Variants in PIBF1 observed in about 807,000 individuals in gnomAD.
PIBF1 encodes progesterone immunomodulatory binding factor 1, also known as progesterone-induced-blocking factor 1.
A neutral mutation model predicts 112.5 loss-of-function variants in PIBF1; 90 were observed. The observed-to-expected ratio is 0.80, with a 90% CI of 0.67 to 0.95. The LOEUF (loss-of-function observed/expected upper bound fraction) is 0.95, where lower values mean the gene tolerates loss of function less well. PIBF1 is among the 40% of genes least tolerant of loss of function. The pLI is 0.00. For synonymous variants in PIBF1, 301 were observed against 288.6 expected (o/e 1.04, Z -0.44); for missense variants, 915 against 852.3 (o/e 1.07, Z -0.92).
chr13:72,967,202 A>G (rs937952682), intron 15 of PIBF1, among the ~76,000 whole-genome samples: 13 of 152,238 alleles, frequency 8.5e-5, no homozygotes, highest in African/African-American at 3.1e-4. Context: ...CCGAAGTGCT[A>G]GGATTAAAGG....
chr13:72,850,184 C>T (rs1415515277), intron 9 of PIBF1, among the ~76,000 whole-genome samples: 1 of 152,174 alleles, frequency 6.6e-6, no homozygotes, highest in Non-Finnish European at 1.5e-5. Flanking sequence ...AAATGTTACC[C>T]ACAAACACCT....
At chr13:72,920,351 C>T (rs1042258889) in intron 13 of PIBF1, among the ~76,000 whole-genome samples, 4 of 152,080 alleles carry the variant, frequency 2.6e-5, no homozygotes, top group Admixed American at 6.6e-5. Flanking sequence ...AGCTGAATGA[C>T]GGGAAAGTAA....
At chr13:72,834,262 G>C (rs576815699) in intron 8 of PIBF1, among the ~76,000 whole-genome samples, 26 of 152,198 alleles carry the variant, frequency 1.7e-4, no homozygotes, top group African/African-American at 6.0e-4. Context: ...TTCTTCTACT[G>C]GATGTGTAGA....
At chr13:72,985,534 A>C (rs1253801316) in intron 16 of PIBF1, among the ~76,000 whole-genome samples, 1 of 151,512 alleles carries the variant, frequency 6.6e-6, no homozygotes, top group East Asian at 2.0e-4. Context: ...ACAGGGTGAG[A>C]CTCCGTCTCA....
chr13:72,979,613 G>T (rs923566313), intron 16 of PIBF1, among the ~76,000 whole-genome samples: 1 of 152,064 alleles, frequency 6.6e-6, no homozygotes, highest in Non-Finnish European at 1.5e-5. Flanking sequence ...AAAATGGACC[G>T]ATTTGAAAGC....
chr13:72,786,847 A>G (rs966485348), intron 2 of PIBF1, among the ~76,000 whole-genome samples: 4 of 152,222 alleles, frequency 2.6e-5, no homozygotes, highest in Admixed American at 6.5e-5. Flanking sequence ...GCTCTCAAAT[A>G]TATGAAGAAA....
chr13:72,902,293 C>T (rs570670574), intron 11 of PIBF1, among the ~76,000 whole-genome samples: 6 of 148,362 alleles, frequency 4.0e-5, no homozygotes, highest in Admixed American at 2.0e-4. Flanking sequence ...TATACTGCCC[C>T]GGTTGATGGG....
intron 14 of PIBF1, among the ~76,000 whole-genome samples, chr13:72,948,527 G>C (rs1402114545): frequency 2.6e-5 from 4 of 152,118 alleles, no homozygotes; most frequent in African/African-American, 9.7e-5. Context: ...CCTCCAAATT[G>C]TTCTAATCTC....
At chr13:72,873,324 G>A (rs2039243559) in intron 10 of PIBF1, among the ~76,000 whole-genome samples, 1 of 152,060 alleles carries the variant, frequency 6.6e-6, no homozygotes, top group South Asian at 2.1e-4. Context: ...AGAAAAAAAG[G>A]GAAAACCTTA....
intron 14 of PIBF1, among the ~76,000 whole-genome samples, chr13:72,952,997 A>T (rs1363578036): frequency 6.6e-6 from 1 of 152,124 alleles, no homozygotes; most frequent in Non-Finnish European, 1.5e-5. Flanking sequence ...AAGCAGGTGG[A>T]TAAATGCCAT....
At chr13:72,917,053 T>A in intron 12 of PIBF1, 23 bp from the exon 13 acceptor site, 1 of 1,422,812 alleles carries the variant, frequency 7.0e-7, no homozygotes, top group African/African-American at 1.4e-5. Context: ...TTATTTCACA[T>A]TATACACTTT....
chr13:72,879,344 A>T (rs1290263281), intron 10 of PIBF1, among the ~76,000 whole-genome samples: 1 of 152,144 alleles, frequency 6.6e-6, no homozygotes, highest in Non-Finnish European at 1.5e-5. Flanking sequence ...AGTCAAGGAG[A>T]TCTACAATCC....
chr13:72,868,941 G>A (rs1378901295), intron 10 of PIBF1, among the ~76,000 whole-genome samples: 1 of 151,652 alleles, frequency 6.6e-6, no homozygotes, highest in Non-Finnish European at 1.5e-5. Flanking sequence ...AGTTAGAATG[G>A]CAATCATTAA....
chr13:72,873,529 A>C (rs2039253240), intron 10 of PIBF1, among the ~76,000 whole-genome samples: 1 of 151,908 alleles, frequency 6.6e-6, no homozygotes. Context: ...CAGCCTCCCA[A>C]GTAGCTGGGA....
intron 9 of PIBF1, among the ~76,000 whole-genome samples, chr13:72,852,457 A>G (rs2038208985): frequency 6.6e-6 from 1 of 152,072 alleles, no homozygotes; most frequent in Admixed American, 6.6e-5. Flanking sequence ...CCTTGCTCAC[A>G]CACCCCTTGC....
At chr13:72,925,542 C>CTTTTTTTT (rs59074858) in intron 13 of PIBF1, among the ~76,000 whole-genome samples, 46 of 102,024 alleles carry the variant, frequency 4.5e-4, no homozygotes, top group African/African-American at 5.3e-4. Flanking sequence ...CTTTCTCTCT[C>CTTTTTTTT]TTTTTTTTTT....
At chr13:72,858,091 G>A (rs935147948) in intron 10 of PIBF1, among the ~76,000 whole-genome samples, 5 of 150,350 alleles carry the variant, frequency 3.3e-5, no homozygotes, top group Middle Eastern at 3.4e-3. Context: ...TCACTCTGTT[G>A]CCCAGTCTGG....
chr13:72,944,457 A>AAG (rs1555321055), intron 14 of PIBF1, among the ~76,000 whole-genome samples: 2 of 151,642 alleles, frequency 1.3e-5, no homozygotes, highest in African/African-American at 4.8e-5. Context: ...AAAAAAAAAA[A>AAG]AAGAAGAAAA....
chr13:72,992,848 G>C (rs1380396984), intron 16 of PIBF1, among the ~76,000 whole-genome samples: 2 of 151,848 alleles, frequency 1.3e-5, no homozygotes, highest in Non-Finnish European at 2.9e-5. Flanking sequence ...AAACATGTGA[G>C]CTGGTCCTTT....
Sources: gnomAD v4.1 joint callset for allele counts (sites outside exome capture counted in the v4.1 genomes callset) on GRCh38, gnomAD v4.1.1 for gene constraint, MANE v1.5 for transcripts, NCBI Gene and HGNC (gene_info 2026-07-23, HGNC 2026-07-21) for gene names.